Variants in PHEX observed in about 807,000 individuals in gnomAD.
PHEX encodes phosphate-regulating neutral endopeptidase PHEX.
A neutral mutation model predicts 68.0 loss-of-function variants in PHEX; 16 were observed. That is an observed-to-expected ratio of 0.24 (90% CI 0.16 to 0.36). The LOEUF (loss-of-function observed/expected upper bound fraction) is 0.36. PHEX is among the 10% of genes least tolerant of loss of function. PHEX has a pLI of 1.00. For synonymous variants in PHEX, 208 were observed against 205.1 expected (o/e 1.01, Z -0.12); for missense variants, 480 against 575.5 (o/e 0.83, Z 1.70).
At chrX:22,246,326 T>C (rs1476317309) in intron 21 of PHEX, among the ~76,000 whole-genome samples, 2 of 112,233 alleles carry the variant, frequency 1.8e-5, no homozygotes, top group South Asian at 3.7e-4. Flanking sequence ...TCTGGATATC[T>C]TTATATTTAA....
At chrX:22,140,762 A>C (rs1932423424) in intron 12 of PHEX, among the ~76,000 whole-genome samples, 1 of 112,015 alleles carries the variant, frequency 8.9e-6, no homozygotes, top group Admixed American at 9.5e-5. Flanking sequence ...GATTACAGGC[A>C]TGAGCCACCG....
Position 22,178,383 on chromosome X carries a change from AT to A in PHEX, c.1586+9del. On this transcript the variant is annotated splice_region_variant and intron_variant, in intron 14 of 21. Coordinates refer to ENST00000379374, the MANE Select transcript of PHEX (RefSeq NM_000444.6). ...AAGCCGTTCCAAAAACAGAGTGAGT[AT>A]TAAACAAAAAAAGTTAAATAGATAA... The A allele has an allele frequency of 9.1e-7, 1 of 1,096,670 alleles. No homozygotes were observed. The allele number at this position is 1,096,670 out of a possible 1,213,427, so 90.4% of individuals were successfully genotyped here. A position where few individuals can be genotyped will look rare whatever the true frequency, so the allele number is the denominator to read the frequency against.
At chrX:22,234,970 C>A (rs1252763186) in intron 20 of PHEX, among the ~76,000 whole-genome samples, 2 of 111,604 alleles carry the variant, frequency 1.8e-5, no homozygotes, top group African/African-American at 3.3e-5. Context: ...TGGAGGGAAT[C>A]TGGAATCTCC....
chrX:22,244,766 A>G (rs1285807289), intron 20 of PHEX, among the ~76,000 whole-genome samples: 6 of 111,965 alleles, frequency 5.4e-5, no homozygotes, highest in African/African-American at 1.6e-4. Context: ...GTCAGGTTTT[A>G]AAGCTTCTGC....
At chrX:22,194,043 C>CTAA (rs1315681627) in intron 15 of PHEX, among the ~76,000 whole-genome samples, 1 of 111,471 alleles carries the variant, frequency 9.0e-6, no homozygotes, top group Non-Finnish European at 1.9e-5. Context: ...TTAAGTGTGT[C>CTAA]TAATAATAGT....
chrX:22,043,473 G>A (rs950475060), intron 2 of PHEX, among the ~76,000 whole-genome samples: 4 of 111,061 alleles, frequency 3.6e-5, no homozygotes, highest in Admixed American at 1.9e-4. Context: ...CCCATTTTCA[G>A]GTGAGGAAAC....
chrX:22,106,537 G>A (rs1222160449), intron 9 of PHEX, among the ~76,000 whole-genome samples: 3 of 111,241 alleles, frequency 2.7e-5, no homozygotes, highest in African/African-American at 9.8e-5. Flanking sequence ...TTGGGAGGCC[G>A]AGTTGGGCGG....
chrX:22,142,932 A>G (rs1932530387), intron 12 of PHEX, among the ~76,000 whole-genome samples: 1 of 112,679 alleles, frequency 8.9e-6, no homozygotes, highest in Admixed American at 9.4e-5. Flanking sequence ...CTGAAGTTCC[A>G]TGTTACCTAA....
chrX:22,231,833 C>A (rs1331715969), intron 20 of PHEX, among the ~76,000 whole-genome samples: 1 of 111,847 alleles, frequency 8.9e-6, no homozygotes, highest in Non-Finnish European at 1.9e-5. Context: ...TTTGCTCTTG[C>A]TTCTCTGGTT....
At chrX:22,112,322 G>A (rs920811910) in intron 10 of PHEX, among the ~76,000 whole-genome samples, 1 of 111,342 alleles carries the variant, frequency 9.0e-6, no homozygotes, top group African/African-American at 3.3e-5. Context: ...ACCCTTGCTC[G>A]TCTCCCAGTT....
At chrX:22,041,255 CTCTCTCTCTCTATATATA>C (rs1236111155) in intron 2 of PHEX, among the ~76,000 whole-genome samples, 10 of 65,004 alleles carry the variant, frequency 1.5e-4, no homozygotes, top group African/African-American at 6.4e-4. Flanking sequence ...CTCTCTCTCT[CTCTCTCTCTCTATATATA>C]TATATATATA....
Position 22,249,661 on chromosome X carries a change from C to A in PHEX, c.*1708C>A, listed in dbSNP as rs1408869258. On this transcript the variant is annotated 3_prime_UTR_variant, in exon 22 of 22. Coordinates refer to ENST00000379374, the MANE Select transcript of PHEX (RefSeq NM_000444.6). ...GGATAAACTTGTGAAGGGCAGCTACCTTGTCCTCCTCTTAACCTGGCTTAA... is the reference window on the plus strand; with the variant it reads ...GGATAAACTTGTGAAGGGCAGCTACATTGTCCTCCTCTTAACCTGGCTTAA... 9.4e-6 allele frequency: 1 copy of A among 106,237 alleles called. No individual in the cohort carries two copies. Among genetic ancestry groups the A allele is most frequent in the African/African-American group, 3.5e-5 (1 of 28,719 alleles). 8.8% of individuals were successfully genotyped at this position (106,237 alleles called of 1,213,427 possible). A position where few individuals can be genotyped will look rare whatever the true frequency, so the allele number is the denominator to read the frequency against.
At position 22,114,004 on chromosome X, in the gene PHEX, C is replaced by T. The variant is rs1931116153; in HGVS notation, c.1174-454C>T. On this transcript the variant is annotated intron_variant, in intron 10 of 21. Transcript: ENST00000379374. ...TCACTCTATTGCCCAGGCTGGAGTG[C>T]AGTGGCCCAATCTCAGCTCACTGCA... 3.3e-5 allele frequency among the ~76,000 whole-genome samples: 3 copies of T among 89,751 alleles called. No individual in the cohort carries two copies. The South Asian group carries it at 1.9e-3, about 56-fold the overall frequency. The allele number at this position is 89,751 out of a possible 115,157, so 77.9% of individuals were successfully genotyped here.
At chrX:22,117,989 A>C (rs1034362987) in intron 11 of PHEX, among the ~76,000 whole-genome samples, 9 of 111,116 alleles carry the variant, frequency 8.1e-5, no homozygotes, top group Admixed American at 4.8e-4. Flanking sequence ...TCTAAAGAAA[A>C]AGAAAAACAG....
chrX:22,187,009 T>C (rs2147135814), intron 14 of PHEX, among the ~76,000 whole-genome samples: 1 of 112,418 alleles, frequency 8.9e-6, no homozygotes, highest in South Asian at 3.7e-4. Flanking sequence ...ACCTGGATTT[T>C]CCCCTCTTGA....
At chrX:22,184,059 A>G (rs1293938862) in intron 14 of PHEX, among the ~76,000 whole-genome samples, 1 of 111,925 alleles carries the variant, frequency 8.9e-6, no homozygotes, top group Non-Finnish European at 1.9e-5. Flanking sequence ...AAAAACAAAT[A>G]GCTCTTTCAC....
chrX:22,110,307 C>A (rs1005938443), intron 9 of PHEX, among the ~76,000 whole-genome samples: 2 of 112,091 alleles, frequency 1.8e-5, no homozygotes, highest in African/African-American at 6.5e-5. Flanking sequence ...AAATAAAGAC[C>A]AAAACACTTC....
At chrX:22,224,993 G>GTTTTAT (rs1935436560) in intron 18 of PHEX, among the ~76,000 whole-genome samples, 1 of 99,033 alleles carries the variant, frequency 1.0e-5, no homozygotes, top group African/African-American at 3.7e-5. Flanking sequence ...AGCTCTGTAT[G>GTTTTAT]TCAGAAGTCT....
chrX:22,106,778 CAA>C (rs10647092), intron 9 of PHEX, among the ~76,000 whole-genome samples: 7 of 53,293 alleles, frequency 1.3e-4, no homozygotes, highest in Non-Finnish European at 1.4e-4. Context: ...AACTCTGTCT[CAA>C]AAAAAAAAAA....
Sources: allele counts gnomAD v4.1 joint callset (sites outside exome capture counted in the v4.1 genomes callset), GRCh38; gene constraint gnomAD v4.1.1; transcripts MANE v1.5; gene names NCBI Gene and HGNC (gene_info 2026-07-23, HGNC 2026-07-21).